The following ATXN7L3 variants were observed in gnomAD, a reference collection of about 807,000 sequenced individuals.
ATXN7L3 encodes the protein ataxin 7 like 3.
A neutral mutation model predicts 50.0 loss-of-function variants in ATXN7L3; 6 were observed. That is an observed-to-expected ratio of 0.12 (90% confidence interval 0.07 to 0.24). The LOEUF (loss-of-function observed/expected upper bound fraction) is 0.24, where lower values mean the gene tolerates loss of function less well. Among genes scored for constraint, ATXN7L3 ranks in the 10% least tolerant of loss-of-function variants. The pLI is 1.00. For synonymous variants in ATXN7L3, 198 were observed against 165.8 expected, an observed-to-expected ratio of 1.19 and a Z score of -1.49; for missense variants, 322 against 451.3, an observed-to-expected ratio of 0.71 and a Z score of 2.60.
In ATXN7L3 at chr17:44,199,717, C is replaced by T. The variant is rs1366281069; in HGVS notation, c.-282G>A. ...CTCCCTTCTTGTCCCGTCGCCGCCT[C>T]CTCCTCCTCACCTCACCCCGCCCGC... On this transcript the variant is annotated 5_prime_UTR_variant, in exon 1 of 13. Coordinates refer to ENST00000587097, the MANE Select transcript of ATXN7L3 (RefSeq NM_001382309.1). The T allele has an allele frequency of 7.0e-5, 10 of 142,360 alleles. No individual in the cohort carries two copies. The highest frequency in any genetic ancestry group is 2.6e-4 in the African/African-American group (10 of 38,966). 8.8% of individuals were successfully genotyped at this position (142,360 alleles called of 1,614,324 possible). A position where few individuals can be genotyped will look rare whatever the true frequency, so the allele number is the denominator to read the frequency against.
chr17:44,196,006 G>T, intron 7 of ATXN7L3, 28 bp downstream of exon 7: 1 of 1,597,534 alleles, frequency 6.3e-7, no homozygotes, highest in Non-Finnish European at 8.6e-7. Flanking sequence ...ACAGCTAGAA[G>T]CATTCCCATT....
intron 8 of ATXN7L3, 40 bp downstream of exon 8, chr17:44,195,760 A>C (rs376264839): frequency 2.6e-6 from 4 of 1,567,136 alleles, no homozygotes; most frequent in Non-Finnish European, 3.5e-6. Flanking sequence ...CCTCACAACC[A>C]GGACAATGAG....
In ATXN7L3 at chr17:44,197,756, G is replaced by A. The variant is rs73316171; in HGVS notation, c.52-26C>T. On this transcript the variant is annotated intron_variant, in intron 2 of 12. Coordinates refer to ENST00000587097, the MANE Select transcript of ATXN7L3 (RefSeq NM_001382309.1). ...CTGGGCCCCAGGGGAGAACATCTAC[G>A]GTCACAAGAGTCACAGCCCCCTGGA... 451 of 1,614,124 alleles carry A rather than the reference G, an allele frequency of 2.8e-4. 1 individual carries two copies. The African/African-American group carries it at 5.3e-3, about 19-fold the overall frequency.
chr17:44,194,126 G>A lies in ATXN7L3; in HGVS notation c.*137C>T, dbSNP rs916336014. 14 of 1,210,736 alleles carry A rather than the reference G, an allele frequency of 1.2e-5. No homozygotes were observed. The highest frequency in any genetic ancestry group is 6.1e-5 in the African/African-American group (4 of 65,654). The allele number at this position is 1,210,736 out of a possible 1,614,324, so 75.0% of individuals were successfully genotyped here. ...TGACACCCCCCAGGGGCGCATAATC[G>A]GATCCTCTGCCTGCCTGGCCCACCA... is the stretch of plus-strand genomic sequence containing the variant. On this transcript the variant is annotated 3_prime_UTR_variant, in exon 13 of 13. Coordinates refer to ENST00000587097, the MANE Select transcript of ATXN7L3 (RefSeq NM_001382309.1).
chr17:44,196,868 C>T, intron 5 of ATXN7L3, 61 bp downstream of exon 5: 1 of 1,223,672 alleles, frequency 8.2e-7, no homozygotes, highest in East Asian at 2.4e-5. Flanking sequence ...CCACTGTATA[C>T]CCAATTCCTG....
chr17:44,199,202 G>A (rs972402536), intron 1 of ATXN7L3: 1 of 151,666 alleles, frequency 6.6e-6, no homozygotes, highest in East Asian at 2.0e-4. Flanking sequence ...AGGAGTCCGG[G>A]AGGGTGTCTC....
intron 3 of ATXN7L3, 50 bp downstream of exon 3, chr17:44,197,548 G>C (rs762091309): frequency 1.2e-6 from 2 of 1,612,672 alleles, no homozygotes; most frequent in South Asian, 1.1e-5. Flanking sequence ...GGAAACTCCA[G>C]GCAGTCCCAG....
Position 44,194,381 on chromosome 17 carries a change from T to G in ATXN7L3, c.926A>C (p.Lys309Thr), listed in dbSNP as rs1567772894. The change falls in exon 13 of 13, where the codon AAG becomes ACG. Residue 309 changes from lysine to threonine, a missense_variant. This residue lies in a region of ATXN7L3 where 122 missense variants were observed against 130.8 expected (regional missense o/e 0.93). Transcript: ENST00000587097. ...CAGGCTCAGATGGGATTTCTTTTTC[T>G]TGGTTTTCCGTGACTCAGAGCTGTT... is the stretch of plus-strand genomic sequence containing the variant. ...GTNSSESRKT[K>T]KKKSHLSLVG... 1 of 1,614,222 alleles carries G rather than the reference T, an allele frequency of 6.2e-7. No individual in the cohort carries two copies. The highest frequency in any genetic ancestry group is 8.5e-7 in the Non-Finnish European group (1 of 1,180,044).
At chr17:44,196,322 G>A (rs973659792) in intron 6 of ATXN7L3, 74 bp downstream of exon 6, 32 of 1,555,720 alleles carry the variant, frequency 2.1e-5, no homozygotes, top group African/African-American at 1.5e-4. Flanking sequence ...CATGACACTC[G>A]AGGACTCCCT....
At chr17:44,194,882 T>C (rs376690555) in intron 10 of ATXN7L3, 43 bp from the exon 11 acceptor site, 40 of 1,604,958 alleles carry the variant, frequency 2.5e-5, no homozygotes, top group Non-Finnish European at 3.3e-5. Context: ...GGAACTCAGG[T>C]AAAGCCCCTC....
At position 44,194,095 on chromosome 17, in the gene ATXN7L3, G is replaced by C; in HGVS notation, c.*168C>G. The C allele has an allele frequency of 2.4e-6, 2 of 824,938 alleles. No individual in the cohort carries two copies. Among genetic ancestry groups the C allele is most frequent in the Non-Finnish European group, 3.8e-6 (2 of 525,042 alleles). The allele number at this position is 824,938 out of a possible 1,614,324, so 51.1% of individuals were successfully genotyped here. On this transcript the variant is annotated 3_prime_UTR_variant, in exon 13 of 13. Coordinates refer to ENST00000587097, the MANE Select transcript of ATXN7L3 (RefSeq NM_001382309.1). Reference sequence around the variant, plus strand: ...CCGAGGAGTCGTGCTCCATTGCAGAGGACTTTGACACCCCCCAGGGGCGCA... The same window carrying C: ...CCGAGGAGTCGTGCTCCATTGCAGACGACTTTGACACCCCCCAGGGGCGCA...
intron 6 of ATXN7L3, 144 bp downstream of exon 6, chr17:44,196,239 TTCCCCACCCACAC>T (rs2055885154): frequency 2.5e-5 from 6 of 238,068 alleles, no homozygotes; most frequent in Non-Finnish European, 4.2e-5. Context: ...CCCACCCCCC[TTCCCCACCCACAC>T]TCCCCCGCCC....
chr17:44,196,468 C>G (rs1263565412), intron 5 of ATXN7L3, 50 bp from the exon 6 acceptor site: 1 of 1,611,530 alleles, frequency 6.2e-7, no homozygotes, highest in Non-Finnish European at 8.5e-7. Flanking sequence ...AGTTCTCAAT[C>G]TAAAAGCATC....
Position 44,194,834 on chromosome 17 carries a change from A to G in ATXN7L3, c.671T>C (p.Leu224Pro), listed in dbSNP as rs1299884133. 2 of 1,614,126 alleles carry G rather than the reference A, an allele frequency of 1.2e-6. No individual in the cohort carries two copies. The highest frequency in any genetic ancestry group is 1.7e-6 in the Non-Finnish European group (2 of 1,179,992). ...EHTKKMCTRS[L>P]RCPQHTDEQR... ...CTCATCTGTGTGCTGTGGGCAGCGC[A>G]GGGACCTGGTGGTGAGGCAAGGCAG... The change falls in exon 11 of 13, where the codon CTG (leucine) becomes CCG (proline). Residue 224 changes from leucine (L) to proline (P), a missense_variant. Physicochemically the swap from Leu to Pro is moderately conservative, Grantham distance 98. This residue lies in a region of ATXN7L3 where 24 missense variants were observed against 52.6 expected (regional missense o/e 0.46). Coordinates refer to ENST00000587097, the MANE Select transcript of ATXN7L3 (RefSeq NM_001382309.1).
chr17:44,194,313 GCTT>G lies in ATXN7L3; in HGVS notation c.991_993del (p.Lys331del), dbSNP rs759898018. ...GGCGTCGGGGGTGCCGGTGGCTTTGGCTTCTTCTTCTTGTTGGAACCTAGGCCG... is the reference window on the plus strand; with the variant it reads ...GGCGTCGGGGGTGCCGGTGGCTTTGGCTTCTTCTTGTTGGAACCTAGGCCG... On this transcript the variant is annotated inframe_deletion, in exon 13 of 13. Transcript: ENST00000587097. The G allele has an allele frequency of 3.2e-5, 52 of 1,614,026 alleles. No individual in the cohort carries two copies. The highest frequency in any genetic ancestry group is 4.1e-5 in the Non-Finnish European group (48 of 1,180,034).
In ATXN7L3 at chr17:44,197,192, C is replaced by G. The variant is rs557572380; in HGVS notation, c.356+36G>C. ...GCCCCCGGGGGACTACACCATGGCACAGGCTGCAGAGAACGGGCAGCTCTG... is the reference window on the plus strand; with the variant it reads ...GCCCCCGGGGGACTACACCATGGCAGAGGCTGCAGAGAACGGGCAGCTCTG... On this transcript the variant is annotated intron_variant, in intron 4 of 12. Coordinates refer to ENST00000587097, the MANE Select transcript of ATXN7L3 (RefSeq NM_001382309.1). The G allele has an allele frequency of 9.5e-6, 15 of 1,575,252 alleles. No homozygotes were observed. In the African/African-American group the frequency reaches 1.5e-4, roughly 16 times the overall value.
chr17:44,197,508 G>C, intron 3 of ATXN7L3, 90 bp downstream of exon 3: 3 of 1,590,942 alleles, frequency 1.9e-6, no homozygotes, highest in Non-Finnish European at 2.6e-6. Flanking sequence ...AGGAGCTCCA[G>C]GTGCTACATC....
chr17:44,199,428 T>G (rs2056061709), intron 1 of ATXN7L3, 68 bp downstream of exon 1: 1 of 138,538 alleles, frequency 7.2e-6, no homozygotes, highest in Non-Finnish European at 1.6e-5. Context: ...AGCCCCGCCT[T>G]GGGCCCCGCC....
intron 3 of ATXN7L3, 65 bp from the exon 4 acceptor site, chr17:44,197,464 T>G: frequency 8.9e-6 from 14 of 1,570,110 alleles, no homozygotes; most frequent in Non-Finnish European, 1.2e-5. Flanking sequence ...CCACCTGGGG[T>G]CCCACGGCCT....
Sources: allele counts gnomAD v4.1 joint callset, GRCh38; gene constraint gnomAD v4.1.1; regional missense constraint gnomAD v4.1.1; transcripts MANE v1.5; gene names NCBI Gene and HGNC (gene_info 2026-07-23, HGNC 2026-07-21).